The following GMPS variants were observed in gnomAD, a reference collection of about 807,000 sequenced individuals.
The protein encoded by GMPS is GMP synthase [glutamine-hydrolyzing].
In GMPS, 15 loss-of-function variants were observed where a neutral mutation model predicts 77.9. The ratio of observed to expected loss-of-function variants is 0.19; its 90% CI spans 0.13 to 0.30. The LOEUF is 0.30. Among genes scored for constraint, GMPS ranks in the 10% least tolerant of loss-of-function variants. GMPS has a pLI of 1.00. For synonymous variants in GMPS, 224 were observed against 275.9 expected, an observed-to-expected ratio of 0.81 and a Z score of 1.86; for missense variants, 590 against 838.8, an observed-to-expected ratio of 0.70 and a Z score of 3.66.
rs1755764671 is a variant in GMPS, at chr3:155,936,322, A to G, written c.1808-16A>G. 6.4e-7 allele frequency: 1 copy of G among 1,572,132 alleles called. No homozygotes were observed. Among genetic ancestry groups the G allele is most frequent in the African/African-American group, 1.3e-5 (1 of 74,260 alleles). On this transcript the variant is annotated splice_polypyrimidine_tract_variant and intron_variant, in intron 14 of 15. Transcript: ENST00000496455. ...TCTATGGTGTGGTGATTGGTTCTACATATACCTTTCTCTAGGGTATGCTGG... is the reference window on the plus strand; with the variant it reads ...TCTATGGTGTGGTGATTGGTTCTACGTATACCTTTCTCTAGGGTATGCTGG...
rs761130622 is a variant in GMPS at position 155,914,509 on chromosome 3, C to T, written c.977C>T (p.Thr326Met). ...DRTPRKRISK[T>M]LNMTTSPEEK... ...ACCCCACGGAAAAGAATTAGCAAAA[C>T]GTTAAATATGACCACAAGTCCTGAA... The change falls in exon 8 of 16, where the codon ACG (threonine) becomes ATG (methionine). Residue 326 changes from threonine (T) to methionine (M), a missense_variant. Around this residue, in one of 6 missense-constraint regions of GMPS, gnomAD observed 181 missense variants for 186.8 expected, o/e 0.97. Coordinates refer to ENST00000496455, the MANE Select transcript of GMPS (RefSeq NM_003875.3). 6.2e-6 allele frequency: 10 copies of T among 1,604,084 alleles called. No individual in the cohort carries two copies. The highest frequency in any genetic ancestry group is 4.0e-5 in the African/African-American group (3 of 74,382).
upstream of GMPS, chr3:155,870,396 C>T: frequency 5.7e-6 from 1 of 173,992 alleles, no homozygotes; most frequent in African/African-American, 2.4e-5. Context: ...GGGCGGGCTC[C>T]TCGGTGCGAG....
At chr3:155,888,681 G>A (rs1407333429) in intron 1 of GMPS, among the ~76,000 whole-genome samples, 1 of 151,748 alleles carries the variant, frequency 6.6e-6, no homozygotes, top group Non-Finnish European at 1.5e-5. Flanking sequence ...CACCTCCAAG[G>A]TTTGAGCAAT....
upstream of GMPS, chr3:155,870,608 T>C (rs1383285891): frequency 6.7e-6 from 3 of 445,616 alleles, no homozygotes; most frequent in South Asian, 3.3e-5. Context: ...GGGCTCTGGC[T>C]CCTCCCAGTG....
chr3:155,886,165 T>A (rs1012143300), intron 1 of GMPS, among the ~76,000 whole-genome samples: 3 of 152,088 alleles, frequency 2.0e-5, no homozygotes, highest in Non-Finnish European at 4.4e-5. Flanking sequence ...TATTAAGGGA[T>A]TGCACTTGTC....
At chr3:155,919,044 A>C (rs188283604) in intron 9 of GMPS, among the ~76,000 whole-genome samples, 189 bp from the exon 10 acceptor site, 1 of 152,372 alleles carries the variant, frequency 6.6e-6, no homozygotes, top group Admixed American at 6.5e-5. Context: ...AAGAGAAATA[A>C]TACCCATAAG....
At chr3:155,897,637 C>T (rs1303226207) in intron 2 of GMPS, among the ~76,000 whole-genome samples, 1 of 152,164 alleles carries the variant, frequency 6.6e-6, no homozygotes. Flanking sequence ...CAAATCCATG[C>T]TAAGTATCAC....
intron 1 of GMPS, among the ~76,000 whole-genome samples, chr3:155,883,254 T>C (rs1192768788): frequency 2.0e-5 from 3 of 152,086 alleles, no homozygotes. Context: ...TTTGTATTTT[T>C]AGTAGAGATG....
At position 155,934,374 on chromosome 3, in the gene GMPS, C is replaced by A. The variant is rs371510857; in HGVS notation, c.1677-542C>A. 3.5e-4 allele frequency among the ~76,000 whole-genome samples: 54 copies of A among 152,232 alleles called. No homozygotes were observed. The East Asian group carries it at 8.3e-3, about 23-fold the overall frequency. On this transcript the variant is annotated intron_variant, in intron 13 of 15. Transcript: ENST00000496455. ...TCTCTGAAGACTCTAGGGGAGGATCCTTCCTTGCTTCTTCCTACTATCGAG... is the reference window on the plus strand; with the variant it reads ...TCTCTGAAGACTCTAGGGGAGGATCATTCCTTGCTTCTTCCTACTATCGAG...
chr3:155,919,430 C>T, intron 10 of GMPS, 92 bp downstream of exon 10: 2 of 658,828 alleles, frequency 3.0e-6, no homozygotes, highest in East Asian at 5.5e-5. Flanking sequence ...AATCTGTCAT[C>T]TCAGGGAATA....
At chr3:155,911,946 A>G (rs1244931101) in intron 7 of GMPS, among the ~76,000 whole-genome samples, 1 of 152,096 alleles carries the variant, frequency 6.6e-6, no homozygotes, top group East Asian at 1.9e-4. Context: ...TATTTTGCAA[A>G]CAGAAAAGCT....
intron 12 of GMPS, among the ~76,000 whole-genome samples, chr3:155,930,347 A>T (rs1392183628): frequency 1.4e-5 from 2 of 145,494 alleles, no homozygotes; most frequent in Non-Finnish European, 3.0e-5. Flanking sequence ...TACACCTTAT[A>T]CAAAAATCAA....
Position 155,871,633 on chromosome 3 carries a change from C to T in GMPS, c.27+736C>T, listed in dbSNP as rs142906894. On this transcript the variant is annotated intron_variant, in intron 1 of 15. Transcript: ENST00000496455. ...AAGGGTGTGTGTCCAGGTCCCGCCC[C>T]CGTCCAGCTTGCTCCCTGTCGAGCT... Among the ~76,000 whole-genome samples, 1,253 of 152,350 alleles carry T rather than the reference C, an allele frequency of 8.2e-3. 12 individuals are homozygous for T. Among genetic ancestry groups the T allele is most frequent in the African/African-American group, 0.029 (1,204 of 41,574 alleles).
intron 3 of GMPS, among the ~76,000 whole-genome samples, chr3:155,903,662 G>T (rs2108090168): frequency 6.6e-6 from 1 of 152,220 alleles, no homozygotes; most frequent in East Asian, 1.9e-4. Context: ...ATCCAATTTT[G>T]TTTTATAACA....
chr3:155,913,521 A>AC (rs1469741441), intron 7 of GMPS, among the ~76,000 whole-genome samples: 1 of 103,246 alleles, frequency 9.7e-6, no homozygotes, highest in East Asian at 3.0e-4. Context: ...CAATCAGCAT[A>AC]AATTTTTTTT....
chr3:155,879,700 G>A (rs896764367), intron 1 of GMPS, among the ~76,000 whole-genome samples: 3 of 149,884 alleles, frequency 2.0e-5, no homozygotes, highest in Non-Finnish European at 4.4e-5. Context: ...TATTTTCTTT[G>A]GAGAAATGTC....
Position 155,922,254 on chromosome 3 carries a change from C to A in GMPS, c.1386C>A (p.Thr462=). The change falls in exon 11 of 16, where the codon ACC becomes ACA. Residue 462 remains threonine, a synonymous_variant. Coordinates refer to ENST00000496455, the MANE Select transcript of GMPS (RefSeq NM_003875.3). ...EPYICKDFPE[T]NNILKIVADF... ...ATATTTGTAAGGACTTTCCTGAAACCAACAATATTTTGAAAATAGTAGCTG... is the reference window on the plus strand; with the variant it reads ...ATATTTGTAAGGACTTTCCTGAAACAAACAATATTTTGAAAATAGTAGCTG... 6.4e-7 allele frequency: 1 copy of A among 1,557,478 alleles called. No homozygotes were observed. The highest frequency in any genetic ancestry group is 8.7e-7 in the Non-Finnish European group (1 of 1,150,192).
chr3:155,898,076 T>C (rs1577511516), intron 3 of GMPS, 35 bp downstream of exon 3: 2 of 985,334 alleles, frequency 2.0e-6, no homozygotes, highest in East Asian at 2.4e-5. Flanking sequence ...AGCTTACTTA[T>C]ATTTTATTCT....
intron 1 of GMPS, among the ~76,000 whole-genome samples, chr3:155,889,918 C>CT (rs1242479055): frequency 2.6e-5 from 4 of 152,152 alleles, no homozygotes; most frequent in Non-Finnish European, 5.9e-5. Flanking sequence ...GTAGATTTTT[C>CT]TATCTTGTGA....
Sources: allele counts gnomAD v4.1 joint callset (sites outside exome capture counted in the v4.1 genomes callset), GRCh38; gene constraint gnomAD v4.1.1; regional missense constraint gnomAD v4.1.1; transcripts MANE v1.5; gene names NCBI Gene and HGNC (gene_info 2026-07-23, HGNC 2026-07-21).